Variants in DLGAP1 observed in about 807,000 individuals in gnomAD.
DLGAP1 encodes DLG associated protein 1.
In DLGAP1, 11 loss-of-function variants were observed where a neutral mutation model predicts 90.8. That is an observed-to-expected ratio of 0.12 (90% CI 0.08 to 0.20). The LOEUF (loss-of-function observed/expected upper bound fraction) is 0.20, where lower values mean the gene tolerates loss of function less well. Ranked by LOEUF, DLGAP1 falls within the 10% of genes least tolerant of loss-of-function variation. The pLI is 1.00. For synonymous variants in DLGAP1, 558 were observed against 540.7 expected (o/e 1.03, Z -0.44); for missense variants, 1,050 against 1,333.8 (o/e 0.79, Z 3.31).
intron 3 of DLGAP1, among the ~76,000 whole-genome samples, chr18:3,921,786 C>T (rs1212742393): frequency 6.6e-6 from 1 of 152,140 alleles, no homozygotes; most frequent in African/African-American, 2.4e-5. Flanking sequence ...TAAGCAAGCT[C>T]AGTATCAAAA....
chr18:3,916,790 G>C (rs779025599), intron 3 of DLGAP1, among the ~76,000 whole-genome samples: 9 of 152,212 alleles, frequency 5.9e-5, no homozygotes, highest in Non-Finnish European at 7.4e-5. Flanking sequence ...TGAGCTGATC[G>C]TTGTAGCAGG....
intron 1 of DLGAP1, among the ~76,000 whole-genome samples, chr18:4,438,629 AAC>A (rs1448492425): frequency 1.3e-5 from 2 of 151,952 alleles, no homozygotes; most frequent in Admixed American, 6.6e-5. Flanking sequence ...CCCCCTGAGA[AAC>A]ACAGTTTATC....
intron 9 of DLGAP1, among the ~76,000 whole-genome samples, chr18:3,551,591 T>C: frequency 8.8e-6 from 1 of 113,982 alleles, no homozygotes; most frequent in Non-Finnish European, 1.8e-5. Context: ...TTTTCTTTCT[T>C]TCTTTTTCTT....
intron 1 of DLGAP1, among the ~76,000 whole-genome samples, chr18:4,151,811 G>A (rs535249629): frequency 4.5e-4 from 68 of 152,200 alleles, no homozygotes; most frequent in African/African-American, 1.5e-3. Flanking sequence ...AGACTTGCTG[G>A]TGCCTAAGTC....
intron 7 of DLGAP1, among the ~76,000 whole-genome samples, chr18:3,649,989 T>C (rs1237149843): frequency 6.6e-6 from 1 of 152,146 alleles, no homozygotes; most frequent in Non-Finnish European, 1.5e-5. Context: ...AGGGTCCTCG[T>C]CTTAGGAAGC....
intron 1 of DLGAP1, among the ~76,000 whole-genome samples, chr18:4,444,567 A>C (rs1325436315): frequency 6.6e-6 from 1 of 152,188 alleles, no homozygotes; most frequent in Non-Finnish European, 1.5e-5. Flanking sequence ...AGCTATTCTT[A>C]AACTTGTTCA....
At chr18:3,603,222 T>C (rs2145789604) in intron 7 of DLGAP1, 1 of 152,232 alleles carries the variant, frequency 6.6e-6, no homozygotes, top group African/African-American at 2.4e-5. Context: ...CTCAGGCACC[T>C]GGCTGCGAAG....
chr18:4,124,774 T>G (rs1423552095), intron 2 of DLGAP1, among the ~76,000 whole-genome samples: 2 of 152,234 alleles, frequency 1.3e-5, no homozygotes, highest in African/African-American at 4.8e-5. Flanking sequence ...TCTCCAGGGT[T>G]CAGAGTTCAT....
chr18:4,263,083 G>A (rs2145278193), intron 1 of DLGAP1, among the ~76,000 whole-genome samples: 1 of 152,176 alleles, frequency 6.6e-6, no homozygotes, highest in South Asian at 2.1e-4. Context: ...ACAGGCACGT[G>A]CCACCACGTC....
At chr18:3,949,093 C>G (rs564340931) in intron 3 of DLGAP1, among the ~76,000 whole-genome samples, 1 of 152,156 alleles carries the variant, frequency 6.6e-6, no homozygotes, top group South Asian at 2.1e-4. Flanking sequence ...AAAGAGGCAC[C>G]AATAACACAG....
chr18:3,567,485 C>T lies in DLGAP1; in HGVS notation c.2057+5G>A, dbSNP rs1228702777. 1 of 1,612,652 alleles carries T rather than the reference C, an allele frequency of 6.2e-7. No homozygotes were observed. The highest frequency in any genetic ancestry group is 1.7e-5 in the Admixed American group (1 of 59,914). On this transcript the variant is annotated splice_donor_5th_base_variant and intron_variant, in intron 9 of 12. Coordinates refer to ENST00000315677, the MANE Select transcript of DLGAP1 (RefSeq NM_004746.4). ...ACAAAAGAGGATGCGTGCATGTGGACTTACCACTTCTCTTCTTCTACTTGC... is the reference window on the plus strand; with the variant it reads ...ACAAAAGAGGATGCGTGCATGTGGATTTACCACTTCTCTTCTTCTACTTGC...
chr18:4,352,819 C>G (rs1256657464), intron 1 of DLGAP1, among the ~76,000 whole-genome samples: 1 of 152,134 alleles, frequency 6.6e-6, no homozygotes, highest in Admixed American at 6.6e-5. Flanking sequence ...TAATGCTTCT[C>G]TACCAATGAT....
chr18:3,832,130 A>T (rs878996395), intron 4 of DLGAP1, among the ~76,000 whole-genome samples: 4 of 152,206 alleles, frequency 2.6e-5, no homozygotes, highest in African/African-American at 4.8e-5. Context: ...AAATAACCAG[A>T]ACCCATGCAT....
chr18:4,443,941 CAG>C (rs2083597840), intron 1 of DLGAP1, among the ~76,000 whole-genome samples: 4 of 152,208 alleles, frequency 2.6e-5, no homozygotes, highest in Admixed American at 6.5e-5. Flanking sequence ...TAGTGAAAAC[CAG>C]TGGAATGTTC....
chr18:3,685,662 G>C (rs910256519), intron 7 of DLGAP1, among the ~76,000 whole-genome samples: 3 of 151,484 alleles, frequency 2.0e-5, no homozygotes, highest in African/African-American at 7.3e-5. Context: ...TGACCAGGCT[G>C]GTCTCAAACT....
chr18:4,212,154 A>C (rs903696212), intron 1 of DLGAP1, among the ~76,000 whole-genome samples: 3 of 152,268 alleles, frequency 2.0e-5, no homozygotes, highest in East Asian at 1.9e-4. Context: ...GACAGGAAGG[A>C]AGGCAGGCAG....
chr18:3,859,017 A>G (rs2069856376), intron 4 of DLGAP1, among the ~76,000 whole-genome samples: 1 of 152,180 alleles, frequency 6.6e-6, no homozygotes, highest in African/African-American at 2.4e-5. Context: ...GCAGGTGACA[A>G]TTTTTAACAG....
At chr18:4,107,749 G>A (rs2075895725) in intron 2 of DLGAP1, among the ~76,000 whole-genome samples, 1 of 152,042 alleles carries the variant, frequency 6.6e-6, no homozygotes, top group Admixed American at 6.6e-5. Flanking sequence ...ATTGAAACTC[G>A]CTTGCTTTTT....
At chr18:4,088,531 T>C (rs546434269) in intron 2 of DLGAP1, among the ~76,000 whole-genome samples, 39 of 152,328 alleles carry the variant, frequency 2.6e-4, no homozygotes, top group African/African-American at 9.1e-4. Flanking sequence ...TTATAGATTG[T>C]TTCTGCCTAA....
Sources: allele counts gnomAD v4.1 joint callset (sites outside exome capture counted in the v4.1 genomes callset), GRCh38; gene constraint gnomAD v4.1.1; transcripts MANE v1.5; gene names NCBI Gene and HGNC (gene_info 2026-07-23, HGNC 2026-07-21).